Variants in CTNNAL1 observed in about 807,000 individuals in gnomAD.
CTNNAL1 encodes the protein catenin alpha like 1, also known as alpha-catulin.
A neutral mutation model predicts 93.6 loss-of-function variants in CTNNAL1; 69 were observed. That is an observed-to-expected ratio of 0.74 (90% CI 0.61 to 0.90). The LOEUF is 0.90. Ranked by LOEUF, CTNNAL1 falls within the 40% of genes least tolerant of loss-of-function variation. CTNNAL1 has a pLI of 0.00. For missense variants in CTNNAL1, 836 were observed against 862.0 expected (o/e 0.97, Z 0.38); for synonymous variants, 286 against 305.4 (o/e 0.94, Z 0.66).
intron 12 of CTNNAL1, among the ~76,000 whole-genome samples, chr9:108,953,282 T>C (rs2132096449): frequency 6.6e-6 from 1 of 152,284 alleles, no homozygotes; most frequent in East Asian, 1.9e-4. Context: ...AATAGCAACA[T>C]TTCTTTGAAA....
intron 8 of CTNNAL1, 31 bp from the exon 9 acceptor site, chr9:108,972,864 G>GGGCGCCCCCCC: frequency 2.1e-5 from 3 of 142,540 alleles, no homozygotes; most frequent in Non-Finnish European, 3.0e-5. Flanking sequence ...GGGGGGGTGG[G>GGGCGCCCCCCC]AGGGTGGAGA....
At chr9:109,002,728 A>T (rs1826881378) in intron 1 of CTNNAL1, among the ~76,000 whole-genome samples, 1 of 152,150 alleles carries the variant, frequency 6.6e-6, no homozygotes, top group Non-Finnish European at 1.5e-5. Context: ...TACGCCTATA[A>T]TCATCAGCAC....
chr9:108,978,869 G>C (rs1831338668), intron 7 of CTNNAL1, among the ~76,000 whole-genome samples: 1 of 152,212 alleles, frequency 6.6e-6, no homozygotes, highest in South Asian at 2.1e-4. Context: ...TCAGAGGTAA[G>C]AATTGTGTAC....
At chr9:108,948,778 G>A (rs1369243370) in intron 14 of CTNNAL1, among the ~76,000 whole-genome samples, 1 of 151,966 alleles carries the variant, frequency 6.6e-6, no homozygotes, top group Non-Finnish European at 1.5e-5. Flanking sequence ...AAACTACCAA[G>A]AAGAATTAAG....
intron 8 of CTNNAL1, among the ~76,000 whole-genome samples, chr9:108,975,411 T>C (rs1001933021): frequency 1.3e-5 from 2 of 152,096 alleles, no homozygotes; most frequent in Non-Finnish European, 2.9e-5. Context: ...CCACTGTAAA[T>C]GTCTACCAAG....
intron 4 of CTNNAL1, among the ~76,000 whole-genome samples, chr9:108,986,917 T>A (rs2132163673): frequency 6.6e-6 from 1 of 152,360 alleles, no homozygotes; most frequent in South Asian, 2.1e-4. Context: ...CATTGTAGAT[T>A]CTGTATATTA....
At chr9:108,975,584 T>A (rs1011152983) in intron 8 of CTNNAL1, among the ~76,000 whole-genome samples, 1 of 152,166 alleles carries the variant, frequency 6.6e-6, no homozygotes, top group African/African-American at 2.4e-5. Flanking sequence ...CCCAGCTCTA[T>A]CTAGTTGGAG....
At chr9:108,950,893 A>T (rs1830542358) in intron 14 of CTNNAL1, 1 of 303,420 alleles carries the variant, frequency 3.3e-6, no homozygotes, top group African/African-American at 2.1e-5. Flanking sequence ...TATGGACATA[A>T]AGTACTTTCT....
chr9:108,987,703 A>G (rs1048429100), intron 4 of CTNNAL1, among the ~76,000 whole-genome samples: 2 of 151,972 alleles, frequency 1.3e-5, no homozygotes, highest in Non-Finnish European at 2.9e-5. Context: ...CTTTTATTTC[A>G]TTGAGCAGTG....
At chr9:108,972,864 G>GGGGGGGGGGGGGGGGGCCCCCCCCCCCC in intron 8 of CTNNAL1, 31 bp from the exon 9 acceptor site, 3 of 142,576 alleles carry the variant, frequency 2.1e-5, no homozygotes, top group East Asian at 2.2e-4. Flanking sequence ...GGGGGGGTGG[G>GGGGGGGGGGGGGGGGGCCCCCCCCCCCC]AGGGTGGAGA....
In CTNNAL1 at chr9:108,948,990, C is replaced by T. The variant is rs28361172; in HGVS notation, c.1836-756G>A. 6.8e-4 allele frequency among the ~76,000 whole-genome samples: 104 copies of T among 152,052 alleles called. 3 individuals are homozygous for T. In the South Asian group the frequency reaches 0.021, roughly 31 times the overall value. Reference sequence around the variant, plus strand: ...GATGAAGCAAAAACCACATTAAAAACAATAAGGTACTAGTATGTTTGAAAT... The same window carrying T: ...GATGAAGCAAAAACCACATTAAAAATAATAAGGTACTAGTATGTTTGAAAT... On this transcript the variant is annotated intron_variant, in intron 14 of 18. Coordinates refer to ENST00000325551, the MANE Select transcript of CTNNAL1 (RefSeq NM_003798.4).
At chr9:108,971,318 T>A (rs1486150695) in intron 9 of CTNNAL1, among the ~76,000 whole-genome samples, 1 of 152,234 alleles carries the variant, frequency 6.6e-6, no homozygotes, top group African/African-American at 2.4e-5. Context: ...ATGGTTCATA[T>A]CTGTGCATTT....
rs909126348 is a variant in CTNNAL1 at position 108,943,987 on chromosome 9, G to C, written c.1916C>G (p.Ser639Cys). 1 of 1,613,834 alleles carries C rather than the reference G, an allele frequency of 6.2e-7. No homozygotes were observed. The highest frequency in any genetic ancestry group is 2.2e-5 in the East Asian group (1 of 44,868). Residue 639 changes from serine to cysteine, a missense_variant, in exon 16 of 19, where the codon TCC becomes TGC. Ser to Cys is a moderately radical substitution (Grantham distance 112, BLOSUM62 -1). Transcript: ENST00000325551. ...VFAAEGLKLT[S>C]SVQAFSKQLK... Reference sequence around the variant, plus strand: ...CTGTTTTGAAAAAGCTTGAACACTGGAAGTAAGCTTTAAACCCTCTGCAGC... The same window carrying C: ...CTGTTTTGAAAAAGCTTGAACACTGCAAGTAAGCTTTAAACCCTCTGCAGC...
At chr9:108,999,899 A>G (rs1290658992) in intron 1 of CTNNAL1, among the ~76,000 whole-genome samples, 2 of 152,232 alleles carry the variant, frequency 1.3e-5, no homozygotes, top group Non-Finnish European at 2.9e-5. Flanking sequence ...AACAAACATA[A>G]TTCTTCAAAA....
At chr9:108,943,086 T>A (rs1564117337) in intron 17 of CTNNAL1, 42 bp from the exon 18 acceptor site, 7 of 1,511,938 alleles carry the variant, frequency 4.6e-6, no homozygotes, top group Non-Finnish European at 6.3e-6. Context: ...CTAAAAGTAG[T>A]ACTTAAAAGA....
In CTNNAL1 at chr9:108,965,051, G is replaced by T. The variant is rs181797054; in HGVS notation, c.1591+327C>A. 1.8e-3 allele frequency among the ~76,000 whole-genome samples: 278 copies of T among 151,984 alleles called. 7 individuals are homozygous for T. The highest frequency in any genetic ancestry group is 0.016 in the Admixed American group (250 of 15,264). On this transcript the variant is annotated intron_variant, in intron 11 of 18. Coordinates refer to ENST00000325551, the MANE Select transcript of CTNNAL1 (RefSeq NM_003798.4). ...ATTTTTGTATTTTTAGTAGAGACAG[G>T]GTTTCACCATGTTGGCCAGGTTGGG...
intron 7 of CTNNAL1, among the ~76,000 whole-genome samples, chr9:108,977,981 G>A (rs1564135625): frequency 6.6e-6 from 1 of 152,096 alleles, no homozygotes; most frequent in East Asian, 1.9e-4. Context: ...AACAACTGCT[G>A]AAAAAAATGA....
chr9:108,970,267 A>T lies in CTNNAL1; in HGVS notation c.1440+135T>A, dbSNP rs944740276. On this transcript the variant is annotated intron_variant, in intron 10 of 18. Transcript: ENST00000325551. ...CATGTTCTGGCACACTACCAACAGA[A>T]ATTCCATTATCTTTCTTTCTCTATG... 2.1e-5 allele frequency: 16 copies of T among 763,968 alleles called. No homozygotes were observed. In the African/African-American group the frequency reaches 2.5e-4, roughly 12 times the overall value. 47.3% of individuals were successfully genotyped at this position (763,968 alleles called of 1,614,324 possible).
chr9:108,986,477 A>G (rs1097966), intron 4 of CTNNAL1, among the ~76,000 whole-genome samples: 3 of 150,712 alleles, frequency 2.0e-5, no homozygotes, highest in African/African-American at 7.3e-5. Flanking sequence ...GAATAGTGCC[A>G]CAATAAACAT....
Sources: allele counts gnomAD v4.1 joint callset (sites outside exome capture counted in the v4.1 genomes callset), GRCh38; gene constraint gnomAD v4.1.1; transcripts MANE v1.5; gene names NCBI Gene and HGNC (gene_info 2026-07-23, HGNC 2026-07-21).